The following TBKBP1 variants were observed in gnomAD, a reference collection of about 807,000 sequenced individuals.
The protein encoded by TBKBP1 is TBK1 binding protein 1, also known as TANK-binding kinase 1-binding protein 1.
In TBKBP1, 47 loss-of-function variants were observed where a neutral mutation model predicts 69.9. The ratio of observed to expected loss-of-function variants is 0.67; its 90% CI spans 0.53 to 0.86. The LOEUF is 0.86. Among genes scored for constraint, TBKBP1 ranks in the 40% least tolerant of loss-of-function variants. The probability of loss-of-function intolerance (pLI) is 0.00; values close to 1 mark genes in which losing one functional copy is unlikely to be tolerated. For synonymous variants in TBKBP1, 418 were observed against 390.3 expected, an observed-to-expected ratio of 1.07 and a Z score of -0.84; for missense variants, 831 against 858.6, an observed-to-expected ratio of 0.97 and a Z score of 0.40.
Position 47,709,374 on chromosome 17 carries a change from G to C in TBKBP1, c.1641G>C (p.Ala547=), listed in dbSNP as rs1365186816. ...CCATCCGCTGCGCCTCCTTCTGCGCGGGCTTCCCCATCCCCGAGTCGCCCG... is the reference window on the plus strand; with the variant it reads ...CCATCCGCTGCGCCTCCTTCTGCGCCGGCTTCCCCATCCCCGAGTCGCCCG... The part of the protein sequence containing the change: ...VGTIRCASFC[A]GFPIPESPAA... Residue 547 remains alanine, a synonymous_variant, in exon 9 of 10, where the codon GCG becomes GCC. Coordinates refer to ENST00000578982, the MANE Select transcript of TBKBP1 (RefSeq NM_001394755.1). 18 of 1,529,224 alleles carry C rather than the reference G, an allele frequency of 1.2e-5. No homozygotes were observed. Among genetic ancestry groups the C allele is most frequent in the Non-Finnish European group, 1.5e-5 (17 of 1,145,080 alleles). 94.7% of individuals were successfully genotyped at this position (1,529,224 alleles called of 1,614,324 possible). A position where few individuals can be genotyped will look rare whatever the true frequency, so the allele number is the denominator to read the frequency against.
intron 2 of TBKBP1, 69 bp downstream of exon 2, chr17:47,696,406 G>C: frequency 6.6e-7 from 1 of 1,521,406 alleles, no homozygotes; most frequent in Non-Finnish European, 8.9e-7. Context: ...GAATCTGGTA[G>C]ATACCAGGGA....
chr17:47,706,494 G>A (rs2031700577), intron 7 of TBKBP1, among the ~76,000 whole-genome samples: 1 of 152,104 alleles, frequency 6.6e-6, no homozygotes, highest in Non-Finnish European at 1.5e-5. Context: ...AGATGTGATG[G>A]GATGGAGGCT....
chr17:47,702,273 C>T (rs897847290), intron 7 of TBKBP1, among the ~76,000 whole-genome samples: 5 of 151,972 alleles, frequency 3.3e-5, no homozygotes, highest in African/African-American at 1.2e-4. Context: ...TAGGCTTTTC[C>T]GGGAGTGGAG....
chr17:47,707,527 A>G (rs2031740277), intron 7 of TBKBP1, among the ~76,000 whole-genome samples: 1 of 152,250 alleles, frequency 6.6e-6, no homozygotes, highest in African/African-American at 2.4e-5. Flanking sequence ...GGGAATATAA[A>G]TACAATGACG....
At position 47,698,695 on chromosome 17, in the gene TBKBP1, C is replaced by A; in HGVS notation, c.554C>A (p.Pro185Gln). The change falls in exon 5 of 10, where the codon CCA (proline) becomes CAA (glutamine). Residue 185 changes from proline (P) to glutamine (Q), a missense_variant. By Grantham distance (76) the Pro-to-Gln change is moderately conservative (BLOSUM62 -1). Coordinates refer to ENST00000578982, the MANE Select transcript of TBKBP1 (RefSeq NM_001394755.1). ...LQDAAFSNLS[P>Q]PPAPAPPCTD... ...GATGCAGCCTTCTCCAACCTGAGCC[C>A]ACCGCCAGCCCCCGCCCCTCCCTGC... 1 of 1,606,464 alleles carries A rather than the reference C, an allele frequency of 6.2e-7. No individual in the cohort carries two copies.
rs777720253 is a variant in TBKBP1, at chr17:47,697,155, G to A, written c.415G>A (p.Val139Met). Residue 139 changes from valine to methionine, a missense_variant, in exon 4 of 10, where the codon GTG (valine) becomes ATG (methionine). Val to Met is a conservative substitution (Grantham distance 21, BLOSUM62 1). Transcript: ENST00000578982. ...EMIQAYEKLCVEKSDLETELR... is the reference protein window; with the variant it reads ...EMIQAYEKLCMEKSDLETELR... Reference sequence around the variant, plus strand: ...GATCCAGGCCTACGAGAAACTCTGCGTGGAGAAGAGTGACTTGGAGACAGA... The same window carrying A: ...GATCCAGGCCTACGAGAAACTCTGCATGGAGAAGAGTGACTTGGAGACAGA... 2.5e-5 allele frequency: 41 copies of A among 1,613,062 alleles called. No individual in the cohort carries two copies. In the African/African-American group the frequency reaches 2.8e-4, roughly 11 times the overall value.
Position 47,709,165 on chromosome 17 carries a change from T to C in TBKBP1, c.1432T>C (p.Trp478Arg). The change falls in exon 9 of 10, where the codon TGG becomes CGG. Residue 478 changes from tryptophan to arginine, a missense_variant. Trp to Arg is a moderately radical substitution (Grantham distance 101). Coordinates refer to ENST00000578982, the MANE Select transcript of TBKBP1 (RefSeq NM_001394755.1). Reference protein sequence around the residue: ...GAAYAGASPPWLQAEAATLPK... With the variant: ...GAAYAGASPPRLQAEAATLPK... ...GGCCTACGCGGGCGCCTCCCCGCCCTGGCTGCAGGCCGAAGCGGCCACTCT... is the reference window on the plus strand; with the variant it reads ...GGCCTACGCGGGCGCCTCCCCGCCCCGGCTGCAGGCCGAAGCGGCCACTCT... The C allele has an allele frequency of 6.9e-7, 1 of 1,441,954 alleles. No individual in the cohort carries two copies. The highest frequency in any genetic ancestry group is 9.0e-7 in the Non-Finnish European group (1 of 1,106,008). 89.3% of individuals were successfully genotyped at this position (1,441,954 alleles called of 1,614,324 possible).
chr17:47,709,266 C>T lies in TBKBP1; in HGVS notation c.1533C>T (p.Gly511=), dbSNP rs1204595484. ...TCAGCCCGCGGCGCGCCTTCGAGGG[C>T]ATCCGGCTGCGCTTCGAGAAGCAGC... ...RPLSPRRAFE[G]IRLRFEKQPS... The change falls in exon 9 of 10, where the codon GGC becomes GGT. Residue 511 remains glycine (G), a synonymous_variant. Transcript: ENST00000578982. The T allele has an allele frequency of 3.3e-6, 5 of 1,523,236 alleles. No homozygotes were observed. The highest frequency in any genetic ancestry group is 4.0e-5 in the Admixed American group (2 of 50,454). 94.4% of individuals were successfully genotyped at this position (1,523,236 alleles called of 1,614,324 possible). A position where few individuals can be genotyped will look rare whatever the true frequency, so the allele number is the denominator to read the frequency against.
chr17:47,699,455 T>C lies in TBKBP1; in HGVS notation c.770T>C (p.Leu257Pro). 1 of 1,572,704 alleles carries C rather than the reference T, an allele frequency of 6.4e-7. No individual in the cohort carries two copies. Among genetic ancestry groups the C allele is most frequent in the Non-Finnish European group, 8.6e-7 (1 of 1,160,348 alleles). Residue 257 changes from leucine to proline, a missense_variant, in exon 6 of 10, where the codon CTG becomes CCG. Leu to Pro is a moderately conservative substitution (Grantham distance 98). Coordinates refer to ENST00000578982, the MANE Select transcript of TBKBP1 (RefSeq NM_001394755.1). Reference protein sequence around the residue: ...EEQLQAECERLQGELKQLQET... With the variant: ...EEQLQAECERPQGELKQLQET... ...CAGCTCCAGGCCGAGTGCGAGCGGC[T>C]GCAGGGGGAGCTGAAGCAGCTGCAG...
chr17:47,696,702 C>T lies in TBKBP1; in HGVS notation c.226-9C>T. On this transcript the variant is annotated splice_polypyrimidine_tract_variant and intron_variant, in intron 2 of 9. Transcript: ENST00000578982. ...AATCCACTCTCCTGAAGCTCCACCC[C>T]ACCTGCAGTACCCACTGATCAGTGA... 1 of 1,613,804 alleles carries T rather than the reference C, an allele frequency of 6.2e-7. No individual in the cohort carries two copies. Among genetic ancestry groups the T allele is most frequent in the Non-Finnish European group, 8.5e-7 (1 of 1,179,782 alleles).
intron 3 of TBKBP1, 91 bp downstream of exon 3, chr17:47,696,924 C>T: frequency 6.4e-7 from 1 of 1,558,892 alleles, no homozygotes; most frequent in Non-Finnish European, 8.7e-7. Flanking sequence ...CATCTGGCCT[C>T]TGCCCTTTGA....
intron 7 of TBKBP1, among the ~76,000 whole-genome samples, chr17:47,701,995 A>G (rs1305461598): frequency 8.5e-5 from 13 of 152,218 alleles, no homozygotes; most frequent in African/African-American, 3.1e-4. Flanking sequence ...CTGCCCAGCC[A>G]CACGCTTCCT....
chr17:47,707,406 C>G (rs2031736150), intron 7 of TBKBP1, among the ~76,000 whole-genome samples: 1 of 152,148 alleles, frequency 6.6e-6, no homozygotes, highest in Admixed American at 6.5e-5. Context: ...GATGCCTGAA[C>G]AGGAAGCAGG....
chr17:47,694,434 C>G (rs1473570109), intron 1 of TBKBP1, among the ~76,000 whole-genome samples: 1 of 151,952 alleles, frequency 6.6e-6, no homozygotes, highest in Non-Finnish European at 1.5e-5. Flanking sequence ...TGTCCGGGGG[C>G]CCAGGGCTCG....
chr17:47,705,421 G>T (rs2031662570), intron 7 of TBKBP1, among the ~76,000 whole-genome samples: 1 of 152,234 alleles, frequency 6.6e-6, no homozygotes, highest in Non-Finnish European at 1.5e-5. Context: ...GCCCCGGGGT[G>T]AGCACTCAAA....
chr17:47,710,194 G>A (rs140183833), intron 9 of TBKBP1, among the ~76,000 whole-genome samples: 2,119 of 152,332 alleles, frequency 0.014, 23 homozygotes, highest in Non-Finnish European at 0.022. Context: ...ATTGCTTTGA[G>A]TTATCCGGGA....
chr17:47,704,319 C>G (rs1289686459), intron 7 of TBKBP1, among the ~76,000 whole-genome samples: 3 of 152,192 alleles, frequency 2.0e-5, no homozygotes, highest in African/African-American at 2.4e-5. Flanking sequence ...TCAAGGCGCC[C>G]GAAAGGAAGT....
In TBKBP1 at chr17:47,710,459, G is replaced by A. The variant is rs757982921; in HGVS notation, c.1720-39G>A. 1.1e-5 allele frequency: 18 copies of A among 1,587,538 alleles called. No individual in the cohort carries two copies. In the South Asian group the frequency reaches 1.8e-4, roughly 16 times the overall value. ...GCTGGGATGTGGGGACCATGGGTGGGGGCTGGGGACCATAAGTGACTTCCT... is the reference window on the plus strand; with the variant it reads ...GCTGGGATGTGGGGACCATGGGTGGAGGCTGGGGACCATAAGTGACTTCCT... On this transcript the variant is annotated intron_variant, in intron 9 of 9. Coordinates refer to ENST00000578982, the MANE Select transcript of TBKBP1 (RefSeq NM_001394755.1).
At chr17:47,706,243 C>T (rs954758735) in intron 7 of TBKBP1, among the ~76,000 whole-genome samples, 2 of 152,126 alleles carry the variant, frequency 1.3e-5, no homozygotes, top group African/African-American at 4.8e-5. Context: ...CTCTCCTTCC[C>T]CTGCTGCCAA....
Sources: allele counts gnomAD v4.1 joint callset (sites outside exome capture counted in the v4.1 genomes callset), GRCh38; gene constraint gnomAD v4.1.1; transcripts MANE v1.5; gene names NCBI Gene and HGNC (gene_info 2026-07-23, HGNC 2026-07-21).